The following IL4I1 variants were observed in gnomAD, a reference collection of about 807,000 sequenced individuals.
IL4I1 encodes interleukin 4 induced 1, also known as L-amino-acid oxidase.
IL4I1 carries 24 observed loss-of-function variants against 29.7 expected under a neutral mutation model. That is an observed-to-expected ratio of 0.81 (90% CI 0.59 to 1.14). The LOEUF (loss-of-function observed/expected upper bound fraction) is 1.14, where lower values mean the gene tolerates loss of function less well. IL4I1 is among the 50% of genes most tolerant of loss of function. The probability of loss-of-function intolerance (pLI) is 0.00; values close to 1 mark genes in which losing one functional copy is unlikely to be tolerated. For missense variants in IL4I1, 686 were observed against 785.6 expected (o/e 0.87, Z 1.52); for synonymous variants, 371 against 352.5 (o/e 1.05, Z -0.59).
chr19:49,917,178 G>C (rs2075646980), intron 2 of IL4I1, among the ~76,000 whole-genome samples: 2 of 152,186 alleles, frequency 1.3e-5, no homozygotes, highest in South Asian at 4.1e-4. Flanking sequence ...AGAAACAAGG[G>C]GAGATCAGAG....
At chr19:49,922,230 C>T (rs1230543776) in intron 2 of IL4I1, among the ~76,000 whole-genome samples, 1 of 152,204 alleles carries the variant, frequency 6.6e-6, no homozygotes, top group Non-Finnish European at 1.5e-5. Flanking sequence ...AGCCCAAACG[C>T]CTCCTTATTG....
Position 49,921,862 on chromosome 19 carries a change from C to G in IL4I1, c.-228+5832G>C, listed in dbSNP as rs1474936676. Among the ~76,000 whole-genome samples, 2 of 152,202 alleles carry G rather than the reference C, an allele frequency of 1.3e-5. No individual in the cohort carries two copies. The highest frequency in any genetic ancestry group is 2.4e-5 in the African/African-American group (1 of 41,452). The stretch of plus-strand genomic sequence containing the variant: ...CCTGTAGGAACCACATATCCTGGGC[C>G]AGACGAATGCAGGAGCTGCCTCCTC... On this transcript the variant is annotated intron_variant, in intron 2 of 9. Transcript: ENST00000341114. This position sits in a 1 kb window ranked among gnomAD's most constrained non-coding sequence, Gnocchi z 5.4.
intron 1 of IL4I1, 85 bp downstream of exon 1, chr19:49,896,750 C>T (rs755927803): frequency 6.9e-6 from 6 of 869,154 alleles, no homozygotes; most frequent in Non-Finnish European, 8.3e-6. Flanking sequence ...CCCTCTTCCT[C>T]ATCTCCCCAG....
chr19:49,901,255 G>A (rs920266579), upstream of IL4I1, among the ~76,000 whole-genome samples: 1 of 152,140 alleles, frequency 6.6e-6, no homozygotes, highest in South Asian at 2.1e-4. Context: ...GTGGTGGCGG[G>A]CATCTGTAAT....
At chr19:49,898,673 A>G (rs2075242302), upstream of IL4I1, among the ~76,000 whole-genome samples, 1 of 152,076 alleles carries the variant, frequency 6.6e-6, no homozygotes, top group Admixed American at 6.5e-5. Flanking sequence ...TTCAAGACCA[A>G]CCTGGCCAAA....
At chr19:49,909,329 A>C in intron 2 of IL4I1, 1 of 1,613,858 alleles carries the variant, frequency 6.2e-7, no homozygotes, top group Non-Finnish European at 8.5e-7. Context: ...TCCACCAGTG[A>C]ATGAGAAGCC....
At chr19:49,896,204 G>A in intron 1 of IL4I1, 22 bp from the exon 2 acceptor site, 1 of 1,488,020 alleles carries the variant, frequency 6.7e-7, no homozygotes, top group Non-Finnish European at 9.0e-7. Context: ...GAGAAGGGAG[G>A]GCTGTTGTGA....
chr19:49,907,909 C>T (rs181506876), intron 2 of IL4I1: 12 of 443,562 alleles, frequency 2.7e-5, no homozygotes, highest in African/African-American at 7.9e-5. Context: ...GCTGCCCCCA[C>T]GACCCTGGCT....
chr19:49,910,995 C>T (rs1162343138), intron 2 of IL4I1: 1 of 152,228 alleles, frequency 6.6e-6, no homozygotes, highest in African/African-American at 2.4e-5. Flanking sequence ...CCTCAACCTC[C>T]TGGACCCAAG....
chr19:49,898,949 C>T (rs2075245568), upstream of IL4I1, among the ~76,000 whole-genome samples: 1 of 152,172 alleles, frequency 6.6e-6, no homozygotes, highest in South Asian at 2.1e-4. Context: ...TTGGAGATGG[C>T]GAGAGGGTGG....
chr19:49,902,840 G>A (rs1429066945), intron 3 of IL4I1, among the ~76,000 whole-genome samples: 1 of 151,250 alleles, frequency 6.6e-6, no homozygotes, highest in East Asian at 2.0e-4. Flanking sequence ...AAAAAGGCCA[G>A]GTGTGGTGGC....
At position 49,890,942 on chromosome 19, in the gene IL4I1, C is replaced by T. The variant is rs558862694; in HGVS notation, c.773+29G>A. ...CTTTCCCTGATTGCCCCCCGCCCCC[C>T]CCCCCTGCCCGCCAGCCCCGCCCCT... On this transcript the variant is annotated intron_variant, in intron 7 of 7. Transcript: ENST00000391826. 699 of 535,846 alleles carry T rather than the reference C, an allele frequency of 1.3e-3. 23 individuals carry two copies. The highest frequency in any genetic ancestry group is 8.4e-3 in the South Asian group (266 of 31,602). 33.2% of individuals were successfully genotyped at this position (535,846 alleles called of 1,614,324 possible).
At chr19:49,924,450 G>A (rs1039003503) in intron 2 of IL4I1, among the ~76,000 whole-genome samples, 15 of 152,110 alleles carry the variant, frequency 9.9e-5, no homozygotes, top group African/African-American at 3.1e-4. Flanking sequence ...GAGAATCCCC[G>A]AACTCCCCGT....
At chr19:49,916,625 G>T (rs1198161855) in intron 2 of IL4I1, among the ~76,000 whole-genome samples, 1 of 151,970 alleles carries the variant, frequency 6.6e-6, no homozygotes, top group South Asian at 2.1e-4. Context: ...TTAGCCAGGC[G>T]TGGTGGTGGG....
chr19:49,889,712 C>G lies in IL4I1; in HGVS notation c.1662G>C (p.Gln554His), dbSNP rs1200746384. 1 of 1,510,586 alleles carries G rather than the reference C, an allele frequency of 6.6e-7. No homozygotes were observed. Among genetic ancestry groups the G allele is most frequent in the Non-Finnish European group, 8.9e-7 (1 of 1,129,084 alleles). 93.6% of individuals were successfully genotyped at this position (1,510,586 alleles called of 1,614,324 possible). ...EEGSHPPVQG[Q>H]LSLQNTTHTR... ...TGTGGGTCGTGTTTTGGAGAGATAA[C>G]TGGCCTTGGACTGGAGGGTGGCTGC... The change falls in exon 8 of 8, where the codon CAG becomes CAC. Residue 554 changes from glutamine (Q) to histidine (H), a missense_variant. Gln to His is a conservative substitution (Grantham distance 24, BLOSUM62 0). Transcript: ENST00000391826.
In IL4I1 at chr19:49,896,128, C is replaced by CT. The variant is rs3840921; in HGVS notation, c.13+19_13+20insA. ...GGGGTTCTACTCACTTGTTCCAGAGCCCCTCCCCTGCTTACTCACCCAATG... is the reference window on the plus strand; with the variant it reads ...GGGGTTCTACTCACTTGTTCCAGAGCTCCCTCCCCTGCTTACTCACCCAATG... On this transcript the variant is annotated intron_variant, in intron 2 of 7. Coordinates refer to ENST00000391826, the MANE Select transcript of IL4I1 (RefSeq NM_152899.2). 2.1e-6 allele frequency: 3 copies of CT among 1,447,328 alleles called. No homozygotes were observed. The highest frequency in any genetic ancestry group is 1.8e-6 in the Non-Finnish European group (2 of 1,105,182). 89.7% of individuals were successfully genotyped at this position (1,447,328 alleles called of 1,614,324 possible). A position where few individuals can be genotyped will look rare whatever the true frequency, so the allele number is the denominator to read the frequency against.
chr19:49,909,715 C>A, intron 2 of IL4I1: 1 of 1,614,114 alleles, frequency 6.2e-7, no homozygotes. Context: ...AGAAAGAAAA[C>A]CCTGTAGCAG....
At chr19:49,901,599 G>T, upstream of IL4I1, 1 of 1,385,552 alleles carries the variant, frequency 7.2e-7, no homozygotes, top group Non-Finnish European at 9.6e-7. Context: ...CCTCCTTCCT[G>T]TTTCCAGAAC....
intron 3 of IL4I1, 106 bp downstream of exon 3, chr19:49,895,705 ACATC>A: frequency 1.1e-5 from 5 of 464,350 alleles, no homozygotes; most frequent in Non-Finnish European, 2.1e-5. Flanking sequence ...CTCTCCCCCC[ACATC>A]CCCACCTCCA....
Sources: gnomAD v4.1 joint callset for allele counts (sites outside exome capture counted in the v4.1 genomes callset) on GRCh38, gnomAD v4.1.1 for gene constraint, Gnocchi (gnomAD v3.1) non-coding constraint, MANE v1.5 for transcripts, NCBI Gene and HGNC (gene_info 2026-07-23, HGNC 2026-07-21) for gene names.